ZNRF3: variants seen among roughly 807,000 people sequenced by gnomAD.
ZNRF3 encodes the protein E3 ubiquitin-protein ligase ZNRF3.
In ZNRF3, 23 loss-of-function variants were observed where a neutral mutation model predicts 72.5. The ratio of observed to expected loss-of-function variants is 0.32; its 90% confidence interval spans 0.23 to 0.45. The LOEUF (loss-of-function observed/expected upper bound fraction) is 0.45. ZNRF3 is among the 20% of genes least tolerant of loss of function. ZNRF3 has a pLI of 1.00. For synonymous variants in ZNRF3, 610 were observed against 545.3 expected, an observed-to-expected ratio of 1.12 and a Z score of -1.65; for missense variants, 1,169 against 1,272.1, an observed-to-expected ratio of 0.92 and a Z score of 1.23.
chr22:28,886,444 T>C (rs751382701), intron 1 of ZNRF3, among the ~76,000 whole-genome samples: 19 of 152,248 alleles, frequency 1.2e-4, no homozygotes, highest in Non-Finnish European at 2.2e-4. Flanking sequence ...TTACTGTCTT[T>C]AAATAAACCT....
At chr22:28,989,120 G>A (rs2035908037) in intron 2 of ZNRF3, among the ~76,000 whole-genome samples, 1 of 152,156 alleles carries the variant, frequency 6.6e-6, no homozygotes, top group Non-Finnish European at 1.5e-5. Context: ...TTGGATGCAG[G>A]GGCCCAGAAG....
At chr22:28,896,283 T>TACCC (rs1212287458) in intron 1 of ZNRF3, among the ~76,000 whole-genome samples, 1 of 152,002 alleles carries the variant, frequency 6.6e-6, no homozygotes, top group Admixed American at 6.6e-5. Flanking sequence ...TACAGGCGTG[T>TACCC]GCCACCACGC....
intron 1 of ZNRF3, among the ~76,000 whole-genome samples, chr22:28,909,875 G>A (rs866287444): frequency 4.6e-5 from 7 of 150,894 alleles, no homozygotes; most frequent in Admixed American, 2.0e-4. Flanking sequence ...TTACAGGTGT[G>A]AGCCACCATG....
intron 2 of ZNRF3, among the ~76,000 whole-genome samples, chr22:29,034,230 T>A (rs1231069351): frequency 6.6e-6 from 1 of 152,228 alleles, no homozygotes; most frequent in East Asian, 1.9e-4. Context: ...TTCCTTGGGA[T>A]GCCTGGCACC....
At chr22:28,936,947 A>G (rs1161607872) in intron 1 of ZNRF3, among the ~76,000 whole-genome samples, 2 of 152,048 alleles carry the variant, frequency 1.3e-5, no homozygotes, top group Non-Finnish European at 2.9e-5. Flanking sequence ...AAGGGCATTG[A>G]GCGGCCATCC....
intron 1 of ZNRF3, 65 bp from the exon 2 acceptor site, chr22:28,987,011 C>T: frequency 6.5e-7 from 1 of 1,544,182 alleles, no homozygotes; most frequent in Non-Finnish European, 8.7e-7. Flanking sequence ...CTGAGAAATA[C>T]ACAATATGAG....
At chr22:29,022,746 A>G (rs2123862328) in intron 2 of ZNRF3, among the ~76,000 whole-genome samples, 1 of 152,290 alleles carries the variant, frequency 6.6e-6, no homozygotes, top group Middle Eastern at 3.4e-3. Context: ...AAGTGAACTC[A>G]ATTGGTATAT....
At chr22:28,936,482 CCTGGGATCCTGAGGTCCACT>C (rs1359384647) in intron 1 of ZNRF3, among the ~76,000 whole-genome samples, 1 of 152,188 alleles carries the variant, frequency 6.6e-6, no homozygotes, top group African/African-American at 2.4e-5. Flanking sequence ...CGGTACCTCT[CCTGGGATCCTGAGGTCCACT>C]CTGCTGGATG....
At chr22:28,969,619 G>A (rs2035534638) in intron 1 of ZNRF3, among the ~76,000 whole-genome samples, 1 of 152,182 alleles carries the variant, frequency 6.6e-6, no homozygotes, top group Admixed American at 6.5e-5. Context: ...GCAGAAGAGA[G>A]GGGTCAAAGG....
chr22:28,985,232 G>A (rs2035835512), intron 1 of ZNRF3, among the ~76,000 whole-genome samples: 1 of 152,112 alleles, frequency 6.6e-6, no homozygotes, highest in African/African-American at 2.4e-5. Context: ...GACCTGTAAT[G>A]CTGTCTTGGT....
intron 2 of ZNRF3, among the ~76,000 whole-genome samples, chr22:29,041,909 G>A (rs945656488): frequency 6.6e-5 from 10 of 152,290 alleles, no homozygotes; most frequent in African/African-American, 2.4e-4. Flanking sequence ...AAAGGCACTT[G>A]CTTTGGTTGC....
At chr22:28,912,119 G>T (rs186988387) in intron 1 of ZNRF3, among the ~76,000 whole-genome samples, 1 of 152,098 alleles carries the variant, frequency 6.6e-6, no homozygotes, top group African/African-American at 2.4e-5. Context: ...ACTCCCTCCC[G>T]AGAAACAGGA....
intron 1 of ZNRF3, among the ~76,000 whole-genome samples, chr22:28,942,176 A>G (rs955264193): frequency 6.6e-6 from 1 of 152,212 alleles, no homozygotes; most frequent in African/African-American, 2.4e-5. Context: ...TGAGCAAATC[A>G]TACTTTCTTT....
intron 2 of ZNRF3, among the ~76,000 whole-genome samples, chr22:28,987,455 T>A (rs1361048762): frequency 6.6e-6 from 1 of 152,142 alleles, no homozygotes; most frequent in Non-Finnish European, 1.5e-5. Flanking sequence ...CTTGGGCAAG[T>A]TGCTTCCCCT....
At chr22:28,895,510 A>G (rs1452375547) in intron 1 of ZNRF3, among the ~76,000 whole-genome samples, 1 of 152,166 alleles carries the variant, frequency 6.6e-6, no homozygotes, top group Non-Finnish European at 1.5e-5. Context: ...TACTAAAAAT[A>G]CAAAAAATTA....
rs181348728 is a variant in ZNRF3, at chr22:28,947,837, A to T, written c.301-39239A>T. Among the ~76,000 whole-genome samples the T allele has an allele frequency of 2.0e-5, 3 of 151,412 alleles. No individual in the cohort carries two copies. The East Asian group carries it at 6.0e-4, about 30-fold the overall frequency. On this transcript the variant is annotated intron_variant, in intron 1 of 8. Transcript: ENST00000544604. ...TTAAGAATGGTTAAAAACACATTACATGTTAACAAAAATAACTTTTTTTTT... is the reference window on the plus strand; with the variant it reads ...TTAAGAATGGTTAAAAACACATTACTTGTTAACAAAAATAACTTTTTTTTT...
At position 28,970,994 on chromosome 22, in the gene ZNRF3, T is replaced by C. The variant is rs144568120; in HGVS notation, c.301-16082T>C. ...CTCACTACACATTGTTATCAGTAAA[T>C]GATTAGTTTATTGTATATAAACACC... On this transcript the variant is annotated intron_variant, in intron 1 of 8. Transcript: ENST00000544604. Among the ~76,000 whole-genome samples, 80 of 152,280 alleles carry C rather than the reference T, an allele frequency of 5.3e-4. 2 individuals carry two copies. The East Asian group carries it at 0.015, about 29-fold the overall frequency.
intron 1 of ZNRF3, among the ~76,000 whole-genome samples, chr22:28,918,539 TG>T (rs2034450353): frequency 1.9e-3 from 2 of 1,026 alleles, no homozygotes; most frequent in African/African-American, 3.4e-3. Context: ...CATGTGTGCG[TG>T]TGTGTGTGTG....
chr22:29,016,844 GC>G (rs2036446580), intron 2 of ZNRF3, among the ~76,000 whole-genome samples: 1 of 152,182 alleles, frequency 6.6e-6, no homozygotes, highest in African/African-American at 2.4e-5. Context: ...GGTTGTGCCT[GC>G]CCAGTGGTGC....
Sources: gnomAD v4.1 joint callset for allele counts (sites outside exome capture counted in the v4.1 genomes callset) on GRCh38, gnomAD v4.1.1 for gene constraint, MANE v1.5 for transcripts, NCBI Gene and HGNC (gene_info 2026-07-23, HGNC 2026-07-21) for gene names.